The following MBD5 variants were observed in gnomAD, a reference collection of about 807,000 sequenced individuals.
The protein encoded by MBD5 is methyl-CpG-binding domain protein 5.
In MBD5, 13 loss-of-function variants were observed where a neutral mutation model predicts 117.3. The observed-to-expected ratio is 0.11, with a 90% CI of 0.07 to 0.18. MBD5 has a LOEUF of 0.18. Among genes scored for constraint, MBD5 ranks in the 10% least tolerant of loss-of-function variants. The probability of loss-of-function intolerance (pLI) is 1.00; values close to 1 mark genes in which losing one functional copy is unlikely to be tolerated. For missense variants in MBD5, 1,879 were observed against 2,093.8 expected (o/e 0.90, Z 2.00); for synonymous variants, 727 against 766.4 (o/e 0.95, Z 0.85).
In MBD5 at chr2:148,458,499, CTCATTT is replaced by C; in HGVS notation, c.-258_-253del. ...TTATGATTTTCCTTAGTCAGAAGCA[CTCATTT>C]TTACCCATGTAGACCATCCTTAGGA... On this transcript the variant is annotated 5_prime_UTR_variant, in exon 5 of 14. Coordinates refer to ENST00000642680, the MANE Select transcript of MBD5 (RefSeq NM_001378120.1). 1 of 586,670 alleles carries C rather than the reference CTCATTT, an allele frequency of 1.7e-6. No homozygotes were observed. The allele number at this position is 586,670 out of a possible 1,614,324, so 36.3% of individuals were successfully genotyped here. A position where few individuals can be genotyped will look rare whatever the true frequency, so the allele number is the denominator to read the frequency against.
chr2:148,253,666 C>T (rs114839136), intron 3 of MBD5, among the ~76,000 whole-genome samples: 3,218 of 152,226 alleles, frequency 0.021, 65 homozygotes, highest in Middle Eastern at 0.054. Context: ...AACTGAGGTC[C>T]GAGGGGAGTC....
At chr2:148,107,616 A>G (rs2105333085) in intron 1 of MBD5, among the ~76,000 whole-genome samples, 1 of 152,096 alleles carries the variant, frequency 6.6e-6, no homozygotes, top group Admixed American at 6.5e-5. Flanking sequence ...GTTGCTGTTT[A>G]ACTTATTCAT....
chr2:148,202,023 A>C (rs1699157067), intron 2 of MBD5, among the ~76,000 whole-genome samples: 1 of 152,148 alleles, frequency 6.6e-6, no homozygotes, highest in Non-Finnish European at 1.5e-5. Flanking sequence ...GCTAGGCTTT[A>C]AACTGTCATT....
intron 3 of MBD5, among the ~76,000 whole-genome samples, chr2:148,333,771 T>C (rs778551079): frequency 1.3e-5 from 2 of 151,866 alleles, no homozygotes; most frequent in Non-Finnish European, 2.9e-5. Flanking sequence ...GGTGGGAGGA[T>C]CACTTGAGCC....
chr2:148,344,550 T>G (rs2105169853), intron 4 of MBD5, among the ~76,000 whole-genome samples: 1 of 152,126 alleles, frequency 6.6e-6, no homozygotes, highest in South Asian at 2.1e-4. Flanking sequence ...GTTAGATGTA[T>G]TCCCAGGTTT....
intron 1 of MBD5, among the ~76,000 whole-genome samples, chr2:148,166,872 T>G (rs1164683385): frequency 6.6e-6 from 1 of 152,202 alleles, no homozygotes; most frequent in Non-Finnish European, 1.5e-5. Context: ...ATGTAACTAC[T>G]AATTGCATTT....
At chr2:148,186,852 A>T (rs900014479) in intron 2 of MBD5, among the ~76,000 whole-genome samples, 1 of 152,258 alleles carries the variant, frequency 6.6e-6, no homozygotes, top group African/African-American at 2.4e-5. Context: ...AATGACAGCA[A>T]TAATGTAAAC....
intron 1 of MBD5, among the ~76,000 whole-genome samples, chr2:148,099,044 G>C (rs1407787213): frequency 1.3e-5 from 2 of 152,004 alleles, no homozygotes; most frequent in Non-Finnish European, 2.9e-5. Context: ...GACAGAGCAA[G>C]ACCTCATCTC....
intron 8 of MBD5, among the ~76,000 whole-genome samples, chr2:148,479,618 G>A (rs773007233): frequency 1.3e-5 from 2 of 152,018 alleles, no homozygotes; most frequent in African/African-American, 4.8e-5. Context: ...AGGAGGAGCC[G>A]GAAGCATAGG....
intron 1 of MBD5, among the ~76,000 whole-genome samples, chr2:148,052,641 G>C (rs906852446): frequency 2.5e-4 from 38 of 151,866 alleles, no homozygotes; most frequent in Non-Finnish European, 8.8e-5. Context: ...CTTTCCTTCT[G>C]ATTTGTTCTT....
intron 11 of MBD5, among the ~76,000 whole-genome samples, chr2:148,492,188 G>T (rs544980259): frequency 1.3e-5 from 2 of 150,452 alleles, no homozygotes; most frequent in Non-Finnish European, 3.0e-5. Flanking sequence ...AAAAAAAAAC[G>T]AAGAGAAAAA....
intron 2 of MBD5, among the ~76,000 whole-genome samples, chr2:148,197,812 T>TTG (rs1699032574): frequency 1.7e-5 from 2 of 114,416 alleles, no homozygotes; most frequent in Non-Finnish European, 3.8e-5. Context: ...TTTTGTTTTT[T>TTG]TTTTTGTTTT....
chr2:148,173,920 A>T (rs537983416), intron 1 of MBD5, among the ~76,000 whole-genome samples: 1 of 152,200 alleles, frequency 6.6e-6, no homozygotes, highest in Non-Finnish European at 1.5e-5. Context: ...ATCATTTTTC[A>T]TAGAAATAGA....
At chr2:148,299,569 C>A (rs1180894685) in intron 3 of MBD5, among the ~76,000 whole-genome samples, 1 of 152,106 alleles carries the variant, frequency 6.6e-6, no homozygotes, top group African/African-American at 2.4e-5. Context: ...AATGAAGGAC[C>A]GACCTTCTGG....
At chr2:148,225,657 C>T (rs1414116206) in intron 2 of MBD5, among the ~76,000 whole-genome samples, 4 of 152,096 alleles carry the variant, frequency 2.6e-5, no homozygotes, top group Admixed American at 2.6e-4. Context: ...TGATAAAATC[C>T]CTAAGCTTTT....
chr2:148,278,157 T>C (rs556042740), intron 3 of MBD5, among the ~76,000 whole-genome samples: 2 of 152,212 alleles, frequency 1.3e-5, no homozygotes, highest in Non-Finnish European at 2.9e-5. Context: ...AGCCTTTGAT[T>C]CTATCTTCTT....
At chr2:148,370,640 C>A (rs145773694) in intron 4 of MBD5, among the ~76,000 whole-genome samples, 4 of 152,162 alleles carry the variant, frequency 2.6e-5, no homozygotes, top group South Asian at 2.1e-4. Flanking sequence ...GGATGTGCAC[C>A]ACTACACTTG....
intron 1 of MBD5, among the ~76,000 whole-genome samples, chr2:148,155,479 G>A (rs548197549): frequency 1.3e-5 from 2 of 152,300 alleles, no homozygotes; most frequent in South Asian, 2.1e-4. Context: ...CAGAGATTAA[G>A]TAATTTATAT....
chr2:148,228,363 G>T (rs1241619233), intron 2 of MBD5, among the ~76,000 whole-genome samples: 1 of 152,164 alleles, frequency 6.6e-6, no homozygotes, highest in Non-Finnish European at 1.5e-5. Flanking sequence ...CATCTATTGA[G>T]ATAATCATGT....
Sources: allele counts gnomAD v4.1 joint callset (sites outside exome capture counted in the v4.1 genomes callset), GRCh38; gene constraint gnomAD v4.1.1; transcripts MANE v1.5; gene names NCBI Gene and HGNC (gene_info 2026-07-23, HGNC 2026-07-21).